Variants in ATP6V0D2 observed in about 807,000 individuals in gnomAD.
ATP6V0D2 encodes V-type proton ATPase subunit d 2.
In ATP6V0D2, 40 loss-of-function variants were observed where a neutral mutation model predicts 40.0. That is an observed-to-expected ratio of 1.00 (90% CI 0.78 to 1.30). ATP6V0D2 has a LOEUF of 1.30. Among genes scored for constraint, ATP6V0D2 ranks in the 50% most tolerant of loss-of-function variants. The pLI is 0.00. For synonymous variants in ATP6V0D2, 179 were observed against 156.3 expected, an observed-to-expected ratio of 1.15 and a Z score of -1.08; for missense variants, 470 against 423.1, an observed-to-expected ratio of 1.11 and a Z score of -0.97.
chr8:86,118,496 C>G (rs924731680), intron 2 of ATP6V0D2, among the ~76,000 whole-genome samples: 6 of 151,976 alleles, frequency 3.9e-5, no homozygotes, highest in Non-Finnish European at 7.4e-5. Flanking sequence ...AAGAAGATGC[C>G]AGGATTACTC....
At chr8:86,120,478 G>A (rs1180363958) in intron 2 of ATP6V0D2, among the ~76,000 whole-genome samples, 1 of 152,136 alleles carries the variant, frequency 6.6e-6, no homozygotes, top group African/African-American at 2.4e-5. Flanking sequence ...CAGTTTCTCA[G>A]GAGGCTGAGG....
chr8:86,117,684 G>T (rs1818607881), intron 2 of ATP6V0D2, among the ~76,000 whole-genome samples: 2 of 152,208 alleles, frequency 1.3e-5, no homozygotes, highest in Non-Finnish European at 2.9e-5. Flanking sequence ...ATTAGATATG[G>T]ACTTACATAG....
chr8:86,129,123 C>T (rs1818784363), intron 2 of ATP6V0D2, among the ~76,000 whole-genome samples: 1 of 152,218 alleles, frequency 6.6e-6, no homozygotes, highest in African/African-American at 2.4e-5. Context: ...ATATGTGTTA[C>T]TAAGCCTGAT....
chr8:86,136,633 T>C (rs560433637), intron 2 of ATP6V0D2, among the ~76,000 whole-genome samples: 1 of 152,292 alleles, frequency 6.6e-6, no homozygotes, highest in Non-Finnish European at 1.5e-5. Flanking sequence ...ATGTGCTTTT[T>C]ATAAAGGGAT....
At chr8:86,130,154 C>T (rs939168981) in intron 2 of ATP6V0D2, among the ~76,000 whole-genome samples, 2 of 152,044 alleles carry the variant, frequency 1.3e-5, no homozygotes, top group African/African-American at 4.8e-5. Context: ...TTTCCTAATT[C>T]GCCATGGCAT....
rs150751781 is a variant in ATP6V0D2 at position 86,145,657 on chromosome 8, G to A, written c.639+2703G>A. Among the ~76,000 whole-genome samples, 126 of 152,210 alleles carry A rather than the reference G, an allele frequency of 8.3e-4. 1 individual carries two copies. The highest frequency in any genetic ancestry group is 3.4e-3 in the Middle Eastern group (1 of 290). On this transcript the variant is annotated intron_variant, in intron 5 of 7. Coordinates refer to ENST00000285393, the MANE Select transcript of ATP6V0D2 (RefSeq NM_152565.1). Reference sequence around the variant, plus strand: ...CATCATTAACTGGTGACCCTATGAAGCCCTATCCTTTCTTTTCATAAATTC... The same window carrying A: ...CATCATTAACTGGTGACCCTATGAAACCCTATCCTTTCTTTTCATAAATTC...
intron 2 of ATP6V0D2, among the ~76,000 whole-genome samples, chr8:86,129,920 T>C (rs1818795871): frequency 7.0e-6 from 1 of 143,510 alleles, no homozygotes; most frequent in East Asian, 2.0e-4. Flanking sequence ...GAGGCTGCAG[T>C]GGTCTGTGAT....
chr8:86,120,423 AAAAAACACTTTGAAGTCAGGTGT>A (rs1818654016), intron 2 of ATP6V0D2, among the ~76,000 whole-genome samples: 1 of 152,016 alleles, frequency 6.6e-6, no homozygotes, highest in Non-Finnish European at 1.5e-5. Context: ...ACAAACATAC[AAAAAACACTTTGAAGTCAGGTGT>A]GGTGGCTTGC....
chr8:86,105,227 G>C (rs1367592830), intron 1 of ATP6V0D2, among the ~76,000 whole-genome samples: 2 of 152,148 alleles, frequency 1.3e-5, no homozygotes. Context: ...TGTCTATCTA[G>C]CTCCAGAGGC....
chr8:86,127,301 G>C (rs1818757961), intron 2 of ATP6V0D2, among the ~76,000 whole-genome samples: 1 of 152,030 alleles, frequency 6.6e-6, no homozygotes, highest in South Asian at 2.1e-4. Flanking sequence ...ATGTAATCAA[G>C]GAAAACTTTC....
chr8:86,132,460 T>C (rs1818839457), intron 2 of ATP6V0D2, among the ~76,000 whole-genome samples: 1 of 152,120 alleles, frequency 6.6e-6, no homozygotes, highest in Non-Finnish European at 1.5e-5. Context: ...CTTAATCTAC[T>C]TCTCCTCCTC....
At chr8:86,105,328 G>A (rs1375157707) in intron 1 of ATP6V0D2, among the ~76,000 whole-genome samples, 2 of 151,914 alleles carry the variant, frequency 1.3e-5, no homozygotes, top group African/African-American at 4.8e-5. Flanking sequence ...AAGACGGTCT[G>A]GCTCTGACAC....
intron 5 of ATP6V0D2, among the ~76,000 whole-genome samples, chr8:86,144,563 A>T: frequency 6.6e-6 from 1 of 152,204 alleles, no homozygotes; most frequent in African/African-American, 2.4e-5. Context: ...AAAACATCTA[A>T]TCATTAAAAT....
chr8:86,109,968 C>T (rs961720535), intron 1 of ATP6V0D2, among the ~76,000 whole-genome samples: 4 of 152,210 alleles, frequency 2.6e-5, no homozygotes, highest in African/African-American at 4.8e-5. Flanking sequence ...ATACCAAACC[C>T]TCCCTAGGAC....
At chr8:86,149,055 G>GAAAAAAA (rs1376369799) in intron 5 of ATP6V0D2, among the ~76,000 whole-genome samples, 20 of 110,122 alleles carry the variant, frequency 1.8e-4, no homozygotes, top group South Asian at 3.3e-4. Flanking sequence ...TCCAAAGGAA[G>GAAAAAAA]AAAAAAAAAA....
intron 2 of ATP6V0D2, among the ~76,000 whole-genome samples, chr8:86,124,608 A>G (rs1818715544): frequency 1.3e-5 from 2 of 152,332 alleles, no homozygotes; most frequent in South Asian, 2.1e-4. Context: ...TAGGACCCCA[A>G]AAATGTCCCT....
chr8:86,107,209 G>T (rs1818480185), intron 1 of ATP6V0D2, among the ~76,000 whole-genome samples: 1 of 152,038 alleles, frequency 6.6e-6, no homozygotes, highest in African/African-American at 2.4e-5. Flanking sequence ...GCCATGAAAT[G>T]GGGTTTCAGG....
intron 2 of ATP6V0D2, among the ~76,000 whole-genome samples, chr8:86,135,106 T>C (rs1346522584): frequency 6.6e-6 from 1 of 152,200 alleles, no homozygotes; most frequent in Non-Finnish European, 1.5e-5. Context: ...GTGTTTTTCT[T>C]AGAAGGTGTT....
intron 2 of ATP6V0D2, among the ~76,000 whole-genome samples, chr8:86,136,400 A>G (rs1210135094): frequency 6.6e-6 from 1 of 152,120 alleles, no homozygotes; most frequent in East Asian, 1.9e-4. Flanking sequence ...AGATGCTTTT[A>G]CATTGCAGGG....
Sources: allele counts gnomAD v4.1 joint callset (sites outside exome capture counted in the v4.1 genomes callset), GRCh38; gene constraint gnomAD v4.1.1; transcripts MANE v1.5; gene names NCBI Gene and HGNC (gene_info 2026-07-23, HGNC 2026-07-21).